The following BET1 variants were observed in gnomAD, a reference collection of about 807,000 sequenced individuals.
BET1 encodes Bet1 golgi vesicular membrane trafficking protein, also known as BET1 homolog.
Under a neutral mutation model 13.9 loss-of-function variants are expected in BET1, and 9 were observed. The ratio of observed to expected loss-of-function variants is 0.65; its 90% CI spans 0.39 to 1.13. The LOEUF (loss-of-function observed/expected upper bound fraction) is 1.13. Ranked by LOEUF, BET1 falls within the 50% of genes most tolerant of loss-of-function variation. The pLI, the probability that BET1 is intolerant of heterozygous loss-of-function variation, is 0.01. For synonymous variants in BET1, 39 were observed against 47.3 expected (o/e 0.82, Z 0.72); for missense variants, 127 against 133.6 (o/e 0.95, Z 0.24).
Position 93,996,260 on chromosome 7 carries a change from C to G in BET1, c.201+5G>C. ...TTTCTTAAAGTTAAAATCATAACCA[C>G]TTACCATTTCAGCTAATAATTTATT... On this transcript the variant is annotated splice_donor_5th_base_variant and intron_variant, in intron 3 of 3. Transcript: ENST00000222547. The G allele has an allele frequency of 6.4e-7, 1 of 1,556,342 alleles. No individual in the cohort carries two copies. Among genetic ancestry groups the G allele is most frequent in the Non-Finnish European group, 8.8e-7 (1 of 1,141,246 alleles).
chr7:93,995,046 A>C (rs946768113), intron 3 of BET1, among the ~76,000 whole-genome samples: 1 of 152,178 alleles, frequency 6.6e-6, no homozygotes, highest in African/African-American at 2.4e-5. Context: ...GGGTTTCACC[A>C]TGTTGGCCAG....
intron 6 of BET1, among the ~76,000 whole-genome samples, chr7:93,970,923 G>T (rs1795249857): frequency 6.6e-6 from 1 of 151,720 alleles, no homozygotes. Flanking sequence ...TCTTGGAAAA[G>T]ACAGACACAG....
At chr7:93,998,002 G>T (rs568211324) in intron 2 of BET1, among the ~76,000 whole-genome samples, 141 of 152,274 alleles carry the variant, frequency 9.3e-4, no homozygotes, top group African/African-American at 3.3e-3. Context: ...GGGGTGCAAT[G>T]AAGTGGGGCG....
intron 4 of BET1, among the ~76,000 whole-genome samples, chr7:93,977,239 T>C (rs1427613943): frequency 1.3e-5 from 2 of 152,088 alleles, no homozygotes; most frequent in Non-Finnish European, 2.9e-5. Context: ...GGCAGGCAGA[T>C]TACTTGAGGC....
At chr7:93,989,603 T>C (rs542147083), downstream of BET1, among the ~76,000 whole-genome samples, 25 of 152,234 alleles carry the variant, frequency 1.6e-4, no homozygotes, top group South Asian at 5.2e-3. Context: ...AAGTGACCGG[T>C]TGTGAATGCA....
intron 4 of BET1, among the ~76,000 whole-genome samples, chr7:93,978,151 C>A (rs544414139): frequency 3.3e-5 from 5 of 152,036 alleles, no homozygotes; most frequent in African/African-American, 7.2e-5. Context: ...CTTACCACAG[C>A]CTCCACCTCT....
chr7:93,997,631 C>T (rs1252355025), intron 2 of BET1, among the ~76,000 whole-genome samples: 1 of 152,140 alleles, frequency 6.6e-6, no homozygotes, highest in Admixed American at 6.5e-5. Flanking sequence ...TTTCCAAAGA[C>T]TATATTGAAA....
rs1004307265 is a variant in BET1, at chr7:93,996,715, T to TTA, written c.145-396_145-395dup. Among the ~76,000 whole-genome samples, 10 of 149,084 alleles carry TTA rather than the reference T, an allele frequency of 6.7e-5. No homozygotes were observed. The South Asian group carries it at 1.7e-3, about 25-fold the overall frequency. ...CATTTTATTTATTATATTTTATAAA[T>TTA]TATATATATATATTTTAACTTATTT... On this transcript the variant is annotated intron_variant, in intron 2 of 3. Transcript: ENST00000222547.
intron 3 of BET1, among the ~76,000 whole-genome samples, chr7:93,995,836 C>T (rs115820765): frequency 6.6e-6 from 1 of 152,224 alleles, no homozygotes; most frequent in African/African-American, 2.4e-5. Context: ...AATGTATGAG[C>T]ACTTTTTTCA....
intron 6 of BET1, among the ~76,000 whole-genome samples, chr7:93,969,859 G>C (rs1012277892): frequency 6.6e-6 from 1 of 151,722 alleles, no homozygotes; most frequent in South Asian, 2.1e-4. Flanking sequence ...GATTTCAAAT[G>C]CCCTACTTGG....
chr7:93,993,107 G>A (rs963404309), downstream of BET1: 6 of 980,038 alleles, frequency 6.1e-6, no homozygotes, highest in African/African-American at 1.8e-5. Flanking sequence ...TTTTGAAATA[G>A]AGTCAAGATT....
At chr7:93,970,303 G>T (rs1282174621) in intron 6 of BET1, among the ~76,000 whole-genome samples, 3 of 151,730 alleles carry the variant, frequency 2.0e-5, no homozygotes, top group Non-Finnish European at 4.4e-5. Flanking sequence ...GGTAGCCCCT[G>T]GAACATTGGG....
intron 4 of BET1, among the ~76,000 whole-genome samples, chr7:93,983,878 G>C (rs1305881444): frequency 6.6e-6 from 1 of 152,176 alleles, no homozygotes; most frequent in Non-Finnish European, 1.5e-5. Flanking sequence ...CCAGAGCCCT[G>C]TATTTTGCTG....
At chr7:93,984,419 A>G (rs995144972) in intron 4 of BET1, among the ~76,000 whole-genome samples, 1 of 152,168 alleles carries the variant, frequency 6.6e-6, no homozygotes, top group African/African-American at 2.4e-5. Flanking sequence ...GAGTTGGTGG[A>G]CAACTACGTC....
At chr7:93,968,311 C>T (rs545613795) in intron 6 of BET1, 1 of 151,594 alleles carries the variant, frequency 6.6e-6, no homozygotes, top group Non-Finnish European at 1.5e-5. Flanking sequence ...ATCCAAACAC[C>T]AAACTGTGTA....
At chr7:93,964,957 G>C (rs569822319) in exon 7 of BET1, 100 of 152,168 alleles carry the variant, frequency 6.6e-4, no homozygotes, top group African/African-American at 2.3e-3. Flanking sequence ...ACTTAGCCCA[G>C]CAATCCCATT....
chr7:93,981,127 G>A (rs1298026590), intron 4 of BET1, among the ~76,000 whole-genome samples: 6 of 152,036 alleles, frequency 3.9e-5, no homozygotes, highest in Admixed American at 2.6e-4. Flanking sequence ...TCATTTCTAT[G>A]TGTTTGCTGT....
At chr7:93,983,166 T>C (rs1387991351) in intron 4 of BET1, among the ~76,000 whole-genome samples, 1 of 152,194 alleles carries the variant, frequency 6.6e-6, no homozygotes, top group African/African-American at 2.4e-5. Context: ...TTGTTGATTA[T>C]TTTTGACCTG....
At chr7:93,995,016 T>C (rs1347433596) in intron 3 of BET1, among the ~76,000 whole-genome samples, 1 of 152,172 alleles carries the variant, frequency 6.6e-6, no homozygotes, top group African/African-American at 2.4e-5. Context: ...GCTAATTTTT[T>C]TGTATTTTTA....
Sources: gnomAD v4.1 joint callset for allele counts (sites outside exome capture counted in the v4.1 genomes callset) on GRCh38, gnomAD v4.1.1 for gene constraint, MANE v1.5 for transcripts, NCBI Gene and HGNC (gene_info 2026-07-23, HGNC 2026-07-21) for gene names.